Variants in HCN1 observed in about 807,000 individuals in gnomAD.
The protein encoded by HCN1 is hyperpolarization activated cyclic nucleotide gated potassium channel 1, also known as potassium/sodium hyperpolarization-activated cyclic nucleotide-gated channel 1.
Under a neutral mutation model 78.9 loss-of-function variants are expected in HCN1, and 13 were observed. The ratio of observed to expected loss-of-function variants is 0.16; its 90% CI spans 0.11 to 0.26. The LOEUF is 0.26. HCN1 is among the 10% of genes least tolerant of loss of function. HCN1 has a pLI of 1.00. For missense variants in HCN1, 810 were observed against 1,154.3 expected (o/e 0.70, Z 4.32); for synonymous variants, 552 against 455.5 (o/e 1.21, Z -2.70).
intron 2 of HCN1, among the ~76,000 whole-genome samples, chr5:45,591,405 G>C (rs943651679): frequency 1.3e-5 from 2 of 152,080 alleles, no homozygotes; most frequent in African/African-American, 4.8e-5. Flanking sequence ...GAGAGTTCCT[G>C]TTGCTCTGCA....
intron 2 of HCN1, among the ~76,000 whole-genome samples, chr5:45,611,219 T>G (rs1274944620): frequency 6.6e-6 from 1 of 150,998 alleles, no homozygotes; most frequent in Non-Finnish European, 1.5e-5. Flanking sequence ...CCTGCCTAAC[T>G]TTTTGTATTT....
intron 2 of HCN1, among the ~76,000 whole-genome samples, chr5:45,485,429 C>CA (rs1741736859): frequency 6.6e-6 from 1 of 151,942 alleles, no homozygotes; most frequent in African/African-American, 2.4e-5. Flanking sequence ...TGTGAAAGTA[C>CA]AAAAAATGGA....
intron 6 of HCN1, among the ~76,000 whole-genome samples, chr5:45,287,812 C>T (rs1745298049): frequency 6.6e-6 from 1 of 152,022 alleles, no homozygotes; most frequent in Non-Finnish European, 1.5e-5. Flanking sequence ...AGTGTTGATT[C>T]ACTTGACACG....
At chr5:45,609,509 T>C (rs1468412060) in intron 2 of HCN1, among the ~76,000 whole-genome samples, 2 of 152,120 alleles carry the variant, frequency 1.3e-5, no homozygotes, top group Non-Finnish European at 2.9e-5. Context: ...AATTGAACAA[T>C]GTGTATAAGT....
intron 2 of HCN1, among the ~76,000 whole-genome samples, chr5:45,467,851 A>G (rs1191164631): frequency 6.6e-6 from 1 of 152,176 alleles, no homozygotes; most frequent in East Asian, 1.9e-4. Context: ...TTTTAATTGA[A>G]AAAGAATCTT....
At chr5:45,351,895 G>T (rs1746911764) in intron 5 of HCN1, among the ~76,000 whole-genome samples, 1 of 152,134 alleles carries the variant, frequency 6.6e-6, no homozygotes, top group Non-Finnish European at 1.5e-5. Context: ...TGGAGAGGAT[G>T]TGGAGAAATA....
At chr5:45,371,407 A>G (rs989973476) in intron 4 of HCN1, among the ~76,000 whole-genome samples, 1 of 151,876 alleles carries the variant, frequency 6.6e-6, no homozygotes, top group East Asian at 1.9e-4. Flanking sequence ...AAATAAAGAG[A>G]AGATCCAAAT....
intron 1 of HCN1, among the ~76,000 whole-genome samples, chr5:45,655,605 G>A (rs1271425045): frequency 6.6e-6 from 1 of 152,100 alleles, no homozygotes. Context: ...CTTTTCACAA[G>A]AGAAGGGGCA....
At chr5:45,398,725 C>G (rs1041456701) in intron 3 of HCN1, among the ~76,000 whole-genome samples, 4 of 152,070 alleles carry the variant, frequency 2.6e-5, no homozygotes, top group African/African-American at 9.7e-5. Context: ...TTTTTAGTTA[C>G]AAAGAAAGTT....
rs543150624 is a variant in HCN1 at position 45,470,290 on chromosome 5, A to G, written c.850-8283T>C. ...CCTTCCAAAAGAAATCACTAAGTAC[A>G]TGATTTTGGTATTAAACCAATAATA... On this transcript the variant is annotated intron_variant, in intron 2 of 7. Transcript: ENST00000303230. Among the ~76,000 whole-genome samples, 18 of 152,124 alleles carry G rather than the reference A, an allele frequency of 1.2e-4. 1 individual carries two copies. The highest frequency in any genetic ancestry group is 4.3e-4 in the African/African-American group (18 of 41,572).
At chr5:45,548,836 T>A (rs1398202100) in intron 2 of HCN1, among the ~76,000 whole-genome samples, 1 of 151,914 alleles carries the variant, frequency 6.6e-6, no homozygotes, top group Non-Finnish European at 1.5e-5. Context: ...ATCACAAGCA[T>A]TCTTATACAC....
intron 5 of HCN1, among the ~76,000 whole-genome samples, chr5:45,349,925 AG>A (rs1252240084): frequency 6.6e-6 from 1 of 152,214 alleles, no homozygotes; most frequent in Non-Finnish European, 1.5e-5. Flanking sequence ...ATGGATTCAC[AG>A]CCGAATTCCA....
intron 5 of HCN1, among the ~76,000 whole-genome samples, chr5:45,352,238 A>G (rs971192934): frequency 2.0e-5 from 3 of 152,160 alleles, no homozygotes; most frequent in African/African-American, 7.2e-5. Flanking sequence ...ACATGGATGA[A>G]ATTGGAAATC....
intron 6 of HCN1, among the ~76,000 whole-genome samples, chr5:45,291,186 T>C (rs1444329588): frequency 6.6e-6 from 1 of 152,084 alleles, no homozygotes; most frequent in African/African-American, 2.4e-5. Flanking sequence ...GCTTACTTTA[T>C]TCTACTTCTC....
intron 6 of HCN1, 134 bp from the exon 7 acceptor site, chr5:45,267,387 G>A: frequency 1.5e-6 from 1 of 674,876 alleles, no homozygotes; most frequent in South Asian, 1.9e-5. Flanking sequence ...TATTATATCA[G>A]CAAATTCCTT....
At chr5:45,381,744 C>T (rs1221202572) in intron 4 of HCN1, among the ~76,000 whole-genome samples, 2 of 152,124 alleles carry the variant, frequency 1.3e-5, no homozygotes, top group Non-Finnish European at 1.5e-5. Context: ...TCTCTCAAGC[C>T]CAGACCATCA....
chr5:45,647,834 C>T (rs1419857825), intron 1 of HCN1, among the ~76,000 whole-genome samples: 2 of 152,164 alleles, frequency 1.3e-5, no homozygotes, highest in African/African-American at 4.8e-5. Context: ...GGCCCTAAAT[C>T]TGCTCAAACC....
chr5:45,262,489 G>A lies in HCN1; in HGVS notation c.2105C>T (p.Ala702Val), dbSNP rs147007826. 1.2e-5 allele frequency: 20 copies of A among 1,613,378 alleles called. No homozygotes were observed. The highest frequency in any genetic ancestry group is 1.7e-5 in the Non-Finnish European group (20 of 1,179,930). The change falls in exon 8 of 8, where the codon GCG becomes GTG. Residue 702 changes from alanine to valine, a missense_variant. Ala to Val is a moderately conservative substitution (Grantham distance 64). Coordinates refer to ENST00000303230, the MANE Select transcript of HCN1 (RefSeq NM_021072.4). The stretch of plus-strand genomic sequence containing the variant: ...GCTCTGTACAGGAGGGCTGCAGACC[G>A]CGGTGGTGTAGGAGCAGGGTGACAG... ...AILSPCSYTT[A>V]VCSPPVQSPL...
At chr5:45,373,884 T>C (rs1747504672) in intron 4 of HCN1, among the ~76,000 whole-genome samples, 1 of 135,604 alleles carries the variant, frequency 7.4e-6, no homozygotes, top group South Asian at 2.2e-4. Context: ...TTACATACGG[T>C]ATATATGTCA....
Sources: allele counts gnomAD v4.1 joint callset (sites outside exome capture counted in the v4.1 genomes callset), GRCh38; gene constraint gnomAD v4.1.1; transcripts MANE v1.5; gene names NCBI Gene and HGNC (gene_info 2026-07-23, HGNC 2026-07-21).